Variants in TAOK1 observed in about 807,000 individuals in gnomAD.
TAOK1 encodes the protein TAO kinase 1.
TAOK1 carries 21 observed loss-of-function variants against 138.3 expected under a neutral mutation model. That is an observed-to-expected ratio of 0.15 (90% CI 0.11 to 0.22). The LOEUF (loss-of-function observed/expected upper bound fraction) is 0.22, where lower values mean the gene tolerates loss of function less well. Ranked by LOEUF, TAOK1 falls within the 10% of genes least tolerant of loss-of-function variation. TAOK1 has a pLI of 1.00. For missense variants in TAOK1, 651 were observed against 1,227.7 expected (o/e 0.53, Z 7.02); for synonymous variants, 361 against 398.4 (o/e 0.91, Z 1.12).
chr17:29,542,934 C>T lies in TAOK1; in HGVS notation c.2918C>T (p.Ala973Val). ...RNSPQALRRT[A>V]SGGRTEQGMS... ...AGCCCCCAGGCTCTGAGGCGGACAG[C>T]TTCTGGGGGACGGACGGAGCAGGGC... The change falls in exon 20 of 20, where the codon GCT (alanine) becomes GTT (valine). Residue 973 changes from alanine to valine, a missense_variant. Physicochemically the swap from Ala to Val is moderately conservative, Grantham distance 64 (BLOSUM62 0). Coordinates refer to ENST00000261716, the MANE Select transcript of TAOK1 (RefSeq NM_020791.4). 6.2e-7 allele frequency: 1 copy of T among 1,613,662 alleles called. No individual in the cohort carries two copies. Among genetic ancestry groups the T allele is most frequent in the Non-Finnish European group, 8.5e-7 (1 of 1,179,938 alleles).
In TAOK1 at chr17:29,516,621, C is replaced by T. The variant is rs551563240; in HGVS notation, c.1705-832C>T. On this transcript the variant is annotated intron_variant, in intron 15 of 19. Transcript: ENST00000261716. ...GGGTTCAAGCGATTCTCTGCCTCAC[C>T]CTCCCAAGTAGCTGACATTACAGGT... is the stretch of plus-strand genomic sequence containing the variant. Among the ~76,000 whole-genome samples, 106 of 151,864 alleles carry T rather than the reference C, an allele frequency of 7.0e-4. 1 individual carries two copies. The highest frequency in any genetic ancestry group is 1.6e-4 in the Non-Finnish European group (11 of 67,992).
intron 1 of TAOK1, among the ~76,000 whole-genome samples, chr17:29,416,605 T>G (rs1046878801): frequency 1.3e-5 from 2 of 152,210 alleles, no homozygotes; most frequent in African/African-American, 4.8e-5. Flanking sequence ...ATTGAGTGGC[T>G]TCTTTCCTTA....
rs2032356726 is a variant in TAOK1 at position 29,543,703 on chromosome 17, A to G, written c.*681A>G. On this transcript the variant is annotated 3_prime_UTR_variant, in exon 20 of 20. Coordinates refer to ENST00000261716, the MANE Select transcript of TAOK1 (RefSeq NM_020791.4). ...CTTCATTGATTTTTTCAGAGAGTAGAAAACAACTTAGTTTTTCTTTTTTCC... is the reference window on the plus strand; with the variant it reads ...CTTCATTGATTTTTTCAGAGAGTAGGAAACAACTTAGTTTTTCTTTTTTCC... 1 of 152,268 alleles carries G rather than the reference A, an allele frequency of 6.6e-6. No homozygotes were observed. Among genetic ancestry groups the G allele is most frequent in the Non-Finnish European group, 1.5e-5 (1 of 68,048 alleles). The allele number at this position is 152,268 out of a possible 1,614,324, so 9.4% of individuals were successfully genotyped here. A position where few individuals can be genotyped will look rare whatever the true frequency, so the allele number is the denominator to read the frequency against.
At chr17:29,473,326 G>T (rs1420893169) in intron 3 of TAOK1, among the ~76,000 whole-genome samples, 1 of 152,176 alleles carries the variant, frequency 6.6e-6, no homozygotes, top group South Asian at 2.1e-4. Flanking sequence ...CCAATATAAG[G>T]CTATTTCATC....
chr17:29,410,635 G>T (rs12452206), intron 1 of TAOK1, among the ~76,000 whole-genome samples: 23,909 of 136,548 alleles, frequency 0.18, 2,194 homozygotes, highest in Admixed American at 0.22. Flanking sequence ...TTTTTTTTTG[G>T]TTTTTTTTTT....
At chr17:29,462,535 T>C (rs2030555034) in intron 2 of TAOK1, among the ~76,000 whole-genome samples, 1 of 152,214 alleles carries the variant, frequency 6.6e-6, no homozygotes, top group Admixed American at 6.5e-5. Context: ...GGGGTTTTGT[T>C]CATTTCTTGA....
intron 1 of TAOK1, among the ~76,000 whole-genome samples, chr17:29,422,157 A>T (rs576007329): frequency 6.6e-6 from 1 of 151,466 alleles, no homozygotes; most frequent in Non-Finnish European, 1.5e-5. Flanking sequence ...TCGGCCTCCC[A>T]AAGTGCTGGG....
chr17:29,440,427 G>C (rs1034654021), intron 1 of TAOK1, among the ~76,000 whole-genome samples: 75 of 152,098 alleles, frequency 4.9e-4, no homozygotes, highest in African/African-American at 1.6e-3. Flanking sequence ...AGTGGCTACA[G>C]TATTAAATAA....
At chr17:29,432,701 C>CT (rs1905884314) in intron 1 of TAOK1, among the ~76,000 whole-genome samples, 1 of 151,866 alleles carries the variant, frequency 6.6e-6, no homozygotes, top group African/African-American at 2.4e-5. Context: ...TCTTGAACTC[C>CT]TAACCTCAGG....
intron 3 of TAOK1, among the ~76,000 whole-genome samples, chr17:29,470,583 G>A (rs1390664514): frequency 6.6e-6 from 1 of 151,876 alleles, no homozygotes; most frequent in Non-Finnish European, 1.5e-5. Context: ...CACTGAATAT[G>A]GTATATAGTT....
intron 1 of TAOK1, among the ~76,000 whole-genome samples, chr17:29,404,571 C>T (rs142334190): frequency 7.2e-5 from 11 of 152,276 alleles, no homozygotes; most frequent in East Asian, 5.8e-4. Context: ...ACAAGGGGAT[C>T]GCTTGAGCCC....
At chr17:29,504,552 C>T (rs2031595884) in intron 13 of TAOK1, among the ~76,000 whole-genome samples, 1 of 151,934 alleles carries the variant, frequency 6.6e-6, no homozygotes, top group Non-Finnish European at 1.5e-5. Flanking sequence ...CACCTGTAAT[C>T]CCGGCTACTT....
At chr17:29,494,031 C>G (rs951981013) in intron 10 of TAOK1, among the ~76,000 whole-genome samples, 6 of 152,006 alleles carry the variant, frequency 3.9e-5, no homozygotes, top group African/African-American at 1.4e-4. Flanking sequence ...ATTCTCGTGC[C>G]TCAGCCGCCC....
chr17:29,534,947 G>A (rs2032198238), intron 19 of TAOK1, among the ~76,000 whole-genome samples: 1 of 151,930 alleles, frequency 6.6e-6, no homozygotes, highest in Non-Finnish European at 1.5e-5. Flanking sequence ...GTGTGTGTGT[G>A]TGTGTGTGTG....
intron 1 of TAOK1, among the ~76,000 whole-genome samples, chr17:29,420,117 T>C (rs1358985204): frequency 1.3e-5 from 2 of 151,826 alleles, no homozygotes; most frequent in Non-Finnish European, 2.9e-5. Context: ...TGACCTCAGC[T>C]TACTGCAACC....
chr17:29,442,495 A>G (rs1187626750), intron 1 of TAOK1, among the ~76,000 whole-genome samples: 1 of 147,626 alleles, frequency 6.8e-6, no homozygotes, highest in African/African-American at 2.5e-5. Context: ...TTGCCTATTT[A>G]TGGAACCTAT....
In TAOK1 at chr17:29,491,833, C is replaced by G. The variant is rs1487723276; in HGVS notation, c.799C>G (p.Gln267Glu). 1.2e-6 allele frequency: 2 copies of G among 1,613,740 alleles called. No individual in the cohort carries two copies. Among genetic ancestry groups the G allele is most frequent in the African/African-American group, 1.3e-5 (1 of 75,046 alleles). Residue 267 changes from glutamine (Q) to glutamate (E), a missense_variant, in exon 10 of 20, where the codon CAA (glutamine) becomes GAA (glutamate). By Grantham distance (29) the Gln-to-Glu change is conservative. Coordinates refer to ENST00000261716, the MANE Select transcript of TAOK1 (RefSeq NM_020791.4). Reference sequence around the variant, plus strand: ...AGATTCTTGCCTCCAGAAAATCCCTCAAGATCGACCTACATCAGAGGAACT... The same window carrying G: ...AGATTCTTGCCTCCAGAAAATCCCTGAAGATCGACCTACATCAGAGGAACT... ...FVDSCLQKIP[Q>E]DRPTSEELLK...
chr17:29,535,343 G>A (rs900705798), intron 19 of TAOK1, among the ~76,000 whole-genome samples: 2 of 151,812 alleles, frequency 1.3e-5, no homozygotes, highest in Admixed American at 6.6e-5. Context: ...AACAGTGGTC[G>A]ATTATCAATT....
At chr17:29,523,471 T>C (rs1414980510) in intron 17 of TAOK1, among the ~76,000 whole-genome samples, 2 of 152,192 alleles carry the variant, frequency 1.3e-5, no homozygotes, top group Non-Finnish European at 2.9e-5. Context: ...CATTGCAAGC[T>C]CTGCCTCCTG....
Sources: allele counts gnomAD v4.1 joint callset (sites outside exome capture counted in the v4.1 genomes callset), GRCh38; gene constraint gnomAD v4.1.1; transcripts MANE v1.5; gene names NCBI Gene and HGNC (gene_info 2026-07-23, HGNC 2026-07-21).